PCDHGC4: variants seen among roughly 807,000 people sequenced by gnomAD.
PCDHGC4 encodes protocadherin gamma subfamily C, 4.
Under a neutral mutation model 59.7 loss-of-function variants are expected in PCDHGC4, and 15 were observed. That is an observed-to-expected ratio of 0.25 (90% CI 0.17 to 0.39). PCDHGC4 has a LOEUF of 0.39. Among genes scored for constraint, PCDHGC4 ranks in the 10% least tolerant of loss-of-function variants. The probability of loss-of-function intolerance (pLI) is 1.00; values close to 1 mark genes in which losing one functional copy is unlikely to be tolerated. For synonymous variants in PCDHGC4, 434 were observed against 481.4 expected (o/e 0.90, Z 1.29); for missense variants, 1,016 against 1,189.5 (o/e 0.85, Z 2.15).
Position 141,490,177 on chromosome 5 carries a change from T to C in PCDHGC4, c.2442+2562T>C, listed in dbSNP as rs780298274. 12 of 1,613,622 alleles carry C rather than the reference T, an allele frequency of 7.4e-6. No individual in the cohort carries two copies. The highest frequency in any genetic ancestry group is 1.0e-5 in the Non-Finnish European group (12 of 1,179,932). On this transcript the variant is annotated intron_variant, in intron 1 of 3. Transcript: ENST00000306593. This position sits in a 1 kb window ranked among gnomAD's most constrained non-coding sequence, Gnocchi z 5.4. The stretch of plus-strand genomic sequence containing the variant: ...GTTGGGTCCCATAGACTTTGAGGAG[T>C]CACGTTTCTATGAAATTCATGCAAG...
rs187307897 is a variant in PCDHGC4 at position 141,505,900 on chromosome 5, A to G, written c.2590+419A>G. 2.6e-4 allele frequency among the ~76,000 whole-genome samples: 39 copies of G among 152,296 alleles called. 1 individual carries two copies. In the East Asian group the frequency reaches 6.8e-3, roughly 26 times the overall value. ...TGTAGAGATTAAATGAGATGATACCACAAAGCATAGAGTTCTGGGCCTGGC... is the reference window on the plus strand; with the variant it reads ...TGTAGAGATTAAATGAGATGATACCGCAAAGCATAGAGTTCTGGGCCTGGC... On this transcript the variant is annotated intron_variant, in intron 3 of 3. Transcript: ENST00000306593.
chr5:141,493,937 A>G lies in PCDHGC4; in HGVS notation c.2443-870A>G, dbSNP rs931274307. Among the ~76,000 whole-genome samples the G allele has an allele frequency of 6.6e-6, 1 of 152,212 alleles. No individual in the cohort carries two copies. The highest frequency in any genetic ancestry group is 1.5e-5 in the Non-Finnish European group (1 of 68,022). ...GGATAACACACCCCCTGGAAAGACCAGAAGGGACTCAGGAATGAAGTGGCT... is the reference window on the plus strand; with the variant it reads ...GGATAACACACCCCCTGGAAAGACCGGAAGGGACTCAGGAATGAAGTGGCT... On this transcript the variant is annotated intron_variant, in intron 1 of 3. Coordinates refer to ENST00000306593, the MANE Select transcript of PCDHGC4 (RefSeq NM_018928.3). This position sits in a 1 kb window ranked among gnomAD's most constrained non-coding sequence, Gnocchi z 4.3.
At chr5:141,505,576 T>C in intron 3 of PCDHGC4, 95 bp downstream of exon 3, 5 of 1,590,334 alleles carry the variant, frequency 3.1e-6, no homozygotes, top group Admixed American at 1.7e-5. Context: ...ATGTCAAACC[T>C]GTGTAGTTTC....
rs1001912556 is a variant in PCDHGC4, at chr5:141,493,404, CTCTGCTGGGATTTTGCT to C, written c.2443-1391_2443-1375del. Among the ~76,000 whole-genome samples, 10 of 152,266 alleles carry C rather than the reference CTCTGCTGGGATTTTGCT, an allele frequency of 6.6e-5. No individual in the cohort carries two copies. Among genetic ancestry groups the C allele is most frequent in the Admixed American group, 6.5e-4 (10 of 15,298 alleles). On this transcript the variant is annotated intron_variant, in intron 1 of 3. Coordinates refer to ENST00000306593, the MANE Select transcript of PCDHGC4 (RefSeq NM_018928.3). The surrounding 1 kb of genome is among the most constrained non-coding windows in gnomAD (Gnocchi z 4.3). ...CTTGAGGACAGGAGAGGGGAGTTGCCTCTGCTGGGATTTTGCTTCTGCTGGGATGGGGCAAGGGTGGG... is the reference window on the plus strand; with the variant it reads ...CTTGAGGACAGGAGAGGGGAGTTGCCTCTGCTGGGATGGGGCAAGGGTGGG...
intron 1 of PCDHGC4, among the ~76,000 whole-genome samples, chr5:141,492,670 C>T (rs567661944): frequency 6.6e-6 from 1 of 152,344 alleles, no homozygotes; most frequent in South Asian, 2.1e-4. Context: ...CCCGGGACTC[C>T]GTCTCAAGGG....
chr5:141,486,561 T>C lies in PCDHGC4; in HGVS notation c.1388T>C (p.Phe463Ser). ...TTCTTTCAGAGGTCACATGAGGTGT[T>C]TGTTCCTGAGAACAATCGCCCAGGG... ...PSFFQRSHEVFVPENNRPGDL... is the reference protein window; with the variant it reads ...PSFFQRSHEVSVPENNRPGDL... The change falls in exon 1 of 4, where the codon TTT (phenylalanine) becomes TCT (serine). Residue 463 changes from phenylalanine (F) to serine (S), a missense_variant. Transcript: ENST00000306593. This position sits in a 1 kb window ranked among gnomAD's most constrained non-coding sequence, Gnocchi z 5.0. 6.2e-7 allele frequency: 1 copy of C among 1,614,076 alleles called. No individual in the cohort carries two copies. Among genetic ancestry groups the C allele is most frequent in the Non-Finnish European group, 8.5e-7 (1 of 1,180,030 alleles).
Position 141,494,864 on chromosome 5 carries a change from G to T in PCDHGC4, c.2500G>T (p.Gly834Cys), listed in dbSNP as rs773899530. 12 of 1,613,950 alleles carry T rather than the reference G, an allele frequency of 7.4e-6. No individual in the cohort carries two copies. Among genetic ancestry groups the T allele is most frequent in the South Asian group, 1.1e-5 (1 of 91,080 alleles). ...TCAGGCCCAGAGACCCGGCACCAGC[G>T]GGTAGGTGACTGATTCTCCAGCCCA... Reference protein sequence around the residue: ...FSQAQRPGTSGSQNGDDTGTW... With the variant: ...FSQAQRPGTSCSQNGDDTGTW... Residue 834 changes from glycine to cysteine, a missense_variant and splice_region_variant, in exon 2 of 4, where the codon GGC becomes TGC. Physicochemically the swap from Gly to Cys is radical, Grantham distance 159 (BLOSUM62 -3). Coordinates refer to ENST00000306593, the MANE Select transcript of PCDHGC4 (RefSeq NM_018928.3).
Position 141,485,863 on chromosome 5 carries a change from A to G in PCDHGC4, c.690A>G (p.Val230=), listed in dbSNP as rs770864367. 78 of 1,614,054 alleles carry G rather than the reference A, an allele frequency of 4.8e-5. No individual in the cohort carries two copies. Among genetic ancestry groups the G allele is most frequent in the Non-Finnish European group, 6.0e-5 (71 of 1,180,040 alleles). ...GATCTGGCACCGCAGAGCTCCGGGT[A>G]TCCGTGCTGGACGTAAACGACAACG... The part of the protein sequence containing the change: ...PPRSGTAELR[V]SVLDVNDNAP... Residue 230 remains valine (V), a synonymous_variant, in exon 1 of 4, where the codon GTA becomes GTG. Coordinates refer to ENST00000306593, the MANE Select transcript of PCDHGC4 (RefSeq NM_018928.3). The surrounding 1 kb of genome is among the most constrained non-coding windows in gnomAD (Gnocchi z 5.7).
At chr5:141,501,329 ACACAC>A (rs1562200854) in intron 2 of PCDHGC4, among the ~76,000 whole-genome samples, 2 of 148,226 alleles carry the variant, frequency 1.3e-5, no homozygotes, top group Non-Finnish European at 3.0e-5. Flanking sequence ...ACACACACAC[ACACAC>A]CCCAAACTCA....
Position 141,505,499 on chromosome 5 carries a change from G to T in PCDHGC4, c.2590+18G>T, listed in dbSNP as rs753203943. 4.3e-6 allele frequency: 7 copies of T among 1,614,172 alleles called. No individual in the cohort carries two copies. The South Asian group carries it at 7.7e-5, about 18-fold the overall frequency. ...CGCCAGTGGTAAGTGGTGTCAGTGTGTGTATGGAAGAGTGGGAGACCTGGG... is the reference window on the plus strand; with the variant it reads ...CGCCAGTGGTAAGTGGTGTCAGTGTTTGTATGGAAGAGTGGGAGACCTGGG... On this transcript the variant is annotated intron_variant, in intron 3 of 3. Coordinates refer to ENST00000306593, the MANE Select transcript of PCDHGC4 (RefSeq NM_018928.3).
rs772884830 is a variant in PCDHGC4 at position 141,491,791 on chromosome 5, C to T, written c.2443-3016C>T. ...TAAGGGATTGAACTTGCATCCACTCCTCTCCGGCCGGCTTGGTCGCTGGCT... is the reference window on the plus strand; with the variant it reads ...TAAGGGATTGAACTTGCATCCACTCTTCTCCGGCCGGCTTGGTCGCTGGCT... On this transcript the variant is annotated intron_variant, in intron 1 of 3. Coordinates refer to ENST00000306593, the MANE Select transcript of PCDHGC4 (RefSeq NM_018928.3). This position sits in a 1 kb window ranked among gnomAD's most constrained non-coding sequence, Gnocchi z 6.9. The T allele has an allele frequency of 3.3e-6, 5 of 1,518,376 alleles. No homozygotes were observed. In the African/African-American group the frequency reaches 4.2e-5, roughly 13 times the overall value. The allele number at this position is 1,518,376 out of a possible 1,614,324, so 94.1% of individuals were successfully genotyped here.
Position 141,485,731 on chromosome 5 carries a change from C to T in PCDHGC4, c.558C>T (p.Ser186=), listed in dbSNP as rs1440070106. The T allele has an allele frequency of 1.9e-6, 3 of 1,614,036 alleles. No individual in the cohort carries two copies. The highest frequency in any genetic ancestry group is 2.2e-5 in the South Asian group (2 of 91,080). The change falls in exon 1 of 4, where the codon AGC becomes AGT. Residue 186 remains serine, a synonymous_variant. Transcript: ENST00000306593. This position sits in a 1 kb window ranked among gnomAD's most constrained non-coding sequence, Gnocchi z 5.7. ...TTGCACTGGATGTGAAGAAGCGCAG[C>T]GACGGCAGCCTGGTCCCAGAGCTGC... The part of the protein sequence containing the change: ...EHFALDVKKR[S]DGSLVPELLL...
intron 2 of PCDHGC4, among the ~76,000 whole-genome samples, chr5:141,500,812 T>C: frequency 6.6e-6 from 1 of 152,322 alleles, no homozygotes; most frequent in South Asian, 2.1e-4. Flanking sequence ...CATATGAATA[T>C]ACATATTATT....
rs926009065 is a variant in PCDHGC4, at chr5:141,488,023, AG to A, written c.2442+410del. ...TCAGATTCTGAAGTACCTTAACTCT[AG>A]GTTACCATTTCCCAAGGGATTGAGG... On this transcript the variant is annotated intron_variant, in intron 1 of 3. Transcript: ENST00000306593. 1.4e-3 allele frequency among the ~76,000 whole-genome samples: 213 copies of A among 152,260 alleles called. 1 individual carries two copies. The highest frequency in any genetic ancestry group is 5.0e-3 in the African/African-American group (208 of 41,542).
Position 141,486,407 on chromosome 5 carries a change from C to T in PCDHGC4, c.1234C>T (p.Pro412Ser). The T allele has an allele frequency of 6.2e-7, 1 of 1,614,134 alleles. No individual in the cohort carries two copies. Among genetic ancestry groups the T allele is most frequent in the African/African-American group, 1.3e-5 (1 of 75,046 alleles). ...CCAGTTCTCCCTGGTGACTGCTGGA[C>T]CCTTGGATCGAGAGGCCAAATCTAG... ...RNQFSLVTAGPLDREAKSSYD... is the reference protein window; with the variant it reads ...RNQFSLVTAGSLDREAKSSYD... The change falls in exon 1 of 4, where the codon CCC becomes TCC. Residue 412 changes from proline (P) to serine (S), a missense_variant. Coordinates refer to ENST00000306593, the MANE Select transcript of PCDHGC4 (RefSeq NM_018928.3). This position sits in a 1 kb window ranked among gnomAD's most constrained non-coding sequence, Gnocchi z 5.0.
chr5:141,508,507 TGGTCCAGCCCAACCTCAG>T (rs1377043623), intron 3 of PCDHGC4, among the ~76,000 whole-genome samples: 1 of 152,178 alleles, frequency 6.6e-6, no homozygotes, highest in Non-Finnish European at 1.5e-5. Flanking sequence ...CTCTCCCTCC[TGGTCCAGCCCAACCTCAG>T]GGCACCCCCC....
Position 141,485,183 on chromosome 5 carries a change from A to C in PCDHGC4, c.10A>C (p.Lys4Gln), listed in dbSNP as rs777796801. Residue 4 changes from lysine (K) to glutamine (Q), a missense_variant, in exon 1 of 4, where the codon AAG becomes CAG. Physicochemically the swap from Lys to Gln is moderately conservative, Grantham distance 53. Transcript: ENST00000306593. This position sits in a 1 kb window ranked among gnomAD's most constrained non-coding sequence, Gnocchi z 5.7. ...TTAGCGGGCGGCAGCAATGCTCCGC[A>C]AGGTGAGAAGCTGGACAGAAATCTG... MLR[K>Q]VRSWTEIWRW... 1.9e-6 allele frequency: 3 copies of C among 1,613,248 alleles called. No individual in the cohort carries two copies. The highest frequency in any genetic ancestry group is 3.3e-5 in the Admixed American group (2 of 60,006).
Position 141,502,866 on chromosome 5 carries a change from C to CTTTTTTTTTTTTTT in PCDHGC4, c.2502-2526_2502-2513dup, listed in dbSNP as rs549047197. Among the ~76,000 whole-genome samples the CTTTTTTTTTTTTTT allele has an allele frequency of 1.6e-4, 20 of 128,024 alleles. 4 individuals are homozygous for CTTTTTTTTTTTTTT. The highest frequency in any genetic ancestry group is 2.6e-4 in the Admixed American group (3 of 11,660). 84.0% of individuals were successfully genotyped at this position (128,024 alleles called of 152,430 possible). A position where few individuals can be genotyped will look rare whatever the true frequency, so the allele number is the denominator to read the frequency against. The stretch of plus-strand genomic sequence containing the variant: ...GAGCTGCCTAACCCTGACTCTCTGT[C>CTTTTTTTTTTTTTT]TTTTTTTTTTTTTTGACAGGGAGTC... On this transcript the variant is annotated intron_variant, in intron 2 of 3. Transcript: ENST00000306593.
At position 141,487,547 on chromosome 5, in the gene PCDHGC4, A is replaced by G. The variant is rs2099649592; in HGVS notation, c.2374A>G (p.Ser792Gly). The change falls in exon 1 of 4, where the codon AGT becomes GGT. Residue 792 changes from serine to glycine, a missense_variant. By Grantham distance (56) the Ser-to-Gly change is moderately conservative. Coordinates refer to ENST00000306593, the MANE Select transcript of PCDHGC4 (RefSeq NM_018928.3). The surrounding 1 kb of genome is among the most constrained non-coding windows in gnomAD (Gnocchi z 5.0). ...TAGCTTCATGATGGTGAAGTCACCC[A>G]GTGCACCTATGGCAGGGGAGCCTGT... The part of the protein sequence containing the change: ...SDSFMMVKSP[S>G]APMAGEPVRP... 2 of 1,614,216 alleles carry G rather than the reference A, an allele frequency of 1.2e-6. No individual in the cohort carries two copies. Among genetic ancestry groups the G allele is most frequent in the Non-Finnish European group, 8.5e-7 (1 of 1,180,046 alleles).
Sources: gnomAD v4.1 joint callset for allele counts (sites outside exome capture counted in the v4.1 genomes callset) on GRCh38, gnomAD v4.1.1 for gene constraint, Gnocchi (gnomAD v3.1) non-coding constraint, MANE v1.5 for transcripts, NCBI Gene and HGNC (gene_info 2026-07-23, HGNC 2026-07-21) for gene names.